Variants in USP54 observed in about 807,000 individuals in gnomAD.
USP54 encodes ubiquitin carboxyl-terminal hydrolase 54.
Under a neutral mutation model 170.5 loss-of-function variants are expected in USP54, and 87 were observed. The ratio of observed to expected loss-of-function variants is 0.51; its 90% CI spans 0.43 to 0.61. The LOEUF is 0.61. Ranked by LOEUF, USP54 falls within the 20% of genes least tolerant of loss-of-function variation. The probability of loss-of-function intolerance (pLI) is 0.00; values close to 1 mark genes in which losing one functional copy is unlikely to be tolerated. For missense variants in USP54, 1,786 were observed against 2,047.8 expected, an observed-to-expected ratio of 0.87 and a Z score of 2.47; for synonymous variants, 655 against 742.8, an observed-to-expected ratio of 0.88 and a Z score of 1.92.
Position 73,589,201 on chromosome 10 carries a change from C to T in USP54, c.-582+2077G>A, listed in dbSNP as rs12244795. Among the ~76,000 whole-genome samples, 643 of 152,246 alleles carry T rather than the reference C, an allele frequency of 4.2e-3. 5 individuals are homozygous for T. The highest frequency in any genetic ancestry group is 0.015 in the African/African-American group (613 of 41,544). On this transcript the variant is annotated intron_variant, in intron 1 of 23. Coordinates refer to ENST00000687698, the MANE Select transcript of USP54 (RefSeq NM_001391956.1). ...GAGACCAATCAAACTCACATTTTTC[C>T]GTTTAGAGATAACTCAGTTACAGGC...
chr10:73,557,239 G>A (rs1187464480), intron 4 of USP54, among the ~76,000 whole-genome samples: 1 of 152,090 alleles, frequency 6.6e-6, no homozygotes, highest in East Asian at 1.9e-4. Flanking sequence ...CAGTAACTTA[G>A]GTCAGAAAAA....
chr10:73,609,139 A>T (rs1433546439), intron 1 of USP54, among the ~76,000 whole-genome samples: 4 of 152,212 alleles, frequency 2.6e-5, no homozygotes, highest in African/African-American at 9.6e-5. Flanking sequence ...CTAACACTGA[A>T]GGAACACATA....
At chr10:73,575,745 A>G in intron 2 of USP54, 53 bp downstream of exon 2, 1 of 1,425,284 alleles carries the variant, frequency 7.0e-7, no homozygotes, top group Non-Finnish European at 9.3e-7. Flanking sequence ...TTCTAAAAGG[A>G]AAGGGAATCC....
intron 1 of USP54, among the ~76,000 whole-genome samples, chr10:73,609,138 A>T (rs1226819129): frequency 6.6e-6 from 1 of 152,222 alleles, no homozygotes; most frequent in Admixed American, 6.5e-5. Flanking sequence ...CCTAACACTG[A>T]AGGAACACAT....
Position 73,516,751 on chromosome 10 carries a change from G to A in USP54, c.3675C>T (p.Pro1225=), listed in dbSNP as rs761894055. Reference sequence around the variant, plus strand: ...GGTATATGTCTGGCTCTGCCAACCTGGGCTGTCCTCCGCTAGAAGTTTCAC... The same window carrying A: ...GGTATATGTCTGGCTCTGCCAACCTAGGCTGTCCTCCGCTAGAAGTTTCAC... ...PNGETSSGGQ[P]RLAEPDIYQE... Residue 1225 remains proline (P), a synonymous_variant, in exon 20 of 24, where the codon CCC becomes CCT. Coordinates refer to ENST00000687698, the MANE Select transcript of USP54 (RefSeq NM_001391956.1). 6 of 1,614,112 alleles carry A rather than the reference G, an allele frequency of 3.7e-6. No individual in the cohort carries two copies. The highest frequency in any genetic ancestry group is 5.1e-6 in the Non-Finnish European group (6 of 1,180,022).
intron 22 of USP54, among the ~76,000 whole-genome samples, chr10:73,502,464 C>A (rs892968949): frequency 6.6e-6 from 1 of 152,234 alleles, no homozygotes; most frequent in African/African-American, 2.4e-5. Flanking sequence ...AGGCACCCGC[C>A]ACCGCGCCCA....
At chr10:73,547,748 C>T (rs1050483590) in intron 4 of USP54, among the ~76,000 whole-genome samples, 1 of 152,188 alleles carries the variant, frequency 6.6e-6, no homozygotes, top group Non-Finnish European at 1.5e-5. Flanking sequence ...GGATTAAAGA[C>T]TTAAATATCA....
intron 20 of USP54, among the ~76,000 whole-genome samples, chr10:73,514,188 C>T (rs1480761268): frequency 6.6e-6 from 1 of 152,098 alleles, no homozygotes; most frequent in Non-Finnish European, 1.5e-5. Flanking sequence ...AATCTCCTGA[C>T]CTCATGATCC....
chr10:73,583,442 C>T (rs762594289), intron 1 of USP54, among the ~76,000 whole-genome samples: 6 of 152,154 alleles, frequency 3.9e-5, no homozygotes, highest in Admixed American at 1.3e-4. Context: ...CCTGCCACCA[C>T]GCCCAGCTAA....
chr10:73,539,294 TAAAA>T (rs1230364085), intron 10 of USP54, 146 bp downstream of exon 10: 2 of 208,834 alleles, frequency 9.6e-6, no homozygotes, highest in African/African-American at 2.7e-5. Flanking sequence ...AAAAAAAAAT[TAAAA>T]AAAAAAAAAA....
chr10:73,592,179 C>T (rs1285722257), upstream of USP54, among the ~76,000 whole-genome samples: 1 of 151,804 alleles, frequency 6.6e-6, no homozygotes, highest in Non-Finnish European at 1.5e-5. Context: ...AGGACCAACA[C>T]ACACCCTTCT....
intron 1 of USP54, among the ~76,000 whole-genome samples, chr10:73,599,254 CGGTG>C (rs758874518): frequency 5.9e-5 from 9 of 152,156 alleles, no homozygotes; most frequent in Non-Finnish European, 1.0e-4. Context: ...ACATGAAAGA[CGGTG>C]AAACTGACGG....
chr10:73,594,661 G>A (rs1285254334), upstream of USP54, among the ~76,000 whole-genome samples: 1 of 151,908 alleles, frequency 6.6e-6, no homozygotes, highest in African/African-American at 2.4e-5. Context: ...GGGAGGGGTG[G>A]GGAAGAGACT....
At chr10:73,611,116 C>T (rs755683313) in intron 1 of USP54, among the ~76,000 whole-genome samples, 25 of 152,010 alleles carry the variant, frequency 1.6e-4, no homozygotes, top group Non-Finnish European at 1.3e-4. Flanking sequence ...CCTTAATATA[C>T]AAATATTCAT....
Position 73,545,607 on chromosome 10 carries a change from A to C in USP54, c.306T>G (p.Ala102=), listed in dbSNP as rs777797319. Residue 102 remains alanine (A), a synonymous_variant, in exon 5 of 24, where the codon GCT becomes GCG. Coordinates refer to ENST00000687698, the MANE Select transcript of USP54 (RefSeq NM_001391956.1). ...KVLPSDTLRS[A]LAKTFQDEQR... is the part of the protein sequence containing the mutation. ...GTTCATCCTGGAAAGTCTTTGCCAG[A>C]GCACTGCGGAGAGTGTCAGATGGAA... The C allele has an allele frequency of 2.5e-6, 4 of 1,614,210 alleles. No individual in the cohort carries two copies. Among genetic ancestry groups the C allele is most frequent in the Non-Finnish European group, 3.4e-6 (4 of 1,180,032 alleles).
Position 73,499,046 on chromosome 10 carries a change from T to A in USP54, c.4638A>T (p.Ser1546=). 5.0e-6 allele frequency: 8 copies of A among 1,614,154 alleles called. No individual in the cohort carries two copies. The highest frequency in any genetic ancestry group is 1.3e-5 in the African/African-American group (1 of 75,036). Residue 1546 remains serine (S), a synonymous_variant, in exon 24 of 24, where the codon TCA becomes TCT. Transcript: ENST00000687698. ...SRTDNSWAPW[S]ETNQHIGTRF... ...TGGTCCCAATATGCTGGTTGGTCTC[T>A]GACCAGGGTGCCCAGGAGTTGTCTG...
chr10:73,580,969 T>C (rs1257577801), intron 1 of USP54, among the ~76,000 whole-genome samples: 1 of 152,228 alleles, frequency 6.6e-6, no homozygotes, highest in African/African-American at 2.4e-5. Context: ...TAGTAGGCTA[T>C]ACCATCTAGG....
At chr10:73,587,644 T>C (rs2077677897) in intron 1 of USP54, among the ~76,000 whole-genome samples, 1 of 152,134 alleles carries the variant, frequency 6.6e-6, no homozygotes, top group Non-Finnish European at 1.5e-5. Flanking sequence ...AGCTCCACCA[T>C]CTAACAGCTG....
chr10:73,540,477 G>A (rs934473667), intron 9 of USP54, among the ~76,000 whole-genome samples: 1 of 151,882 alleles, frequency 6.6e-6, no homozygotes, highest in African/African-American at 2.4e-5. Context: ...GGCTGAGGCA[G>A]GAGAATGGCA....
Sources: gnomAD v4.1 joint callset for allele counts (sites outside exome capture counted in the v4.1 genomes callset) on GRCh38, gnomAD v4.1.1 for gene constraint, MANE v1.5 for transcripts, NCBI Gene and HGNC (gene_info 2026-07-23, HGNC 2026-07-21) for gene names.